CAST: variants seen among roughly 807,000 people sequenced by gnomAD.
CAST encodes MIR583 host.
CAST carries 76 observed loss-of-function variants against 119.6 expected under a neutral mutation model. The ratio of observed to expected loss-of-function variants is 0.64; its 90% CI spans 0.53 to 0.77. CAST has a LOEUF of 0.77. Among genes scored for constraint, CAST ranks in the 30% least tolerant of loss-of-function variants. The probability of loss-of-function intolerance (pLI) is 0.00; values close to 1 mark genes in which losing one functional copy is unlikely to be tolerated. For synonymous variants in CAST, 319 were observed against 331.6 expected, an observed-to-expected ratio of 0.96 and a Z score of 0.41; for missense variants, 953 against 946.5, an observed-to-expected ratio of 1.01 and a Z score of -0.09.
the CAST span, among the ~76,000 whole-genome samples, chr5:95,962,385 A>G: frequency 6.6e-6 from 1 of 152,234 alleles, no homozygotes; most frequent in Non-Finnish European, 1.5e-5. Context: ...ACGCAGCAGG[A>G]GGACTCGCTA....
the CAST span, among the ~76,000 whole-genome samples, chr5:96,001,875 T>A: frequency 1.3e-5 from 2 of 152,258 alleles, no homozygotes; most frequent in African/African-American, 4.8e-5. Context: ...ATAGTCTTTT[T>A]GTGTAATGTA....
At chr5:96,427,687 G>A in the CAST span, among the ~76,000 whole-genome samples, 1 of 152,132 alleles carries the variant, frequency 6.6e-6, no homozygotes. Flanking sequence ...ATAACAGTTA[G>A]GTATGCTCTA....
At chr5:96,253,842 C>T in the CAST span, among the ~76,000 whole-genome samples, 2 of 151,842 alleles carry the variant, frequency 1.3e-5, no homozygotes, top group African/African-American at 4.8e-5. Context: ...TATGATGTAG[C>T]ATATTTTATT....
the CAST span, among the ~76,000 whole-genome samples, chr5:96,237,935 C>A: frequency 5.3e-5 from 8 of 151,940 alleles, no homozygotes; most frequent in African/African-American, 1.7e-4. Flanking sequence ...TTTACTTTAT[C>A]CTCTAATTTA....
the CAST span, among the ~76,000 whole-genome samples, chr5:96,505,534 CT>C: frequency 2.0e-5 from 3 of 152,166 alleles, no homozygotes; most frequent in Non-Finnish European, 4.4e-5. Context: ...ATTAAATCCT[CT>C]TCTGTCACTG....
At chr5:96,504,247 T>G in the CAST span, among the ~76,000 whole-genome samples, 1 of 152,180 alleles carries the variant, frequency 6.6e-6, no homozygotes, top group Non-Finnish European at 1.5e-5. Flanking sequence ...CCCCATCAGC[T>G]TTTTCAAAAA....
chr5:96,461,227 T>C, the CAST span, among the ~76,000 whole-genome samples: 1 of 152,198 alleles, frequency 6.6e-6, no homozygotes, highest in Admixed American at 6.5e-5. Context: ...ATGTCCATTT[T>C]ATGGATATCT....
the CAST span, among the ~76,000 whole-genome samples, chr5:95,973,675 A>G: frequency 1.3e-5 from 2 of 152,200 alleles, no homozygotes; most frequent in African/African-American, 2.4e-5. Context: ...ACTCTATGCT[A>G]CATTGATCTA....
intron 1 of CAST, among the ~76,000 whole-genome samples, chr5:96,604,090 G>A (rs1459569087): frequency 2.0e-5 from 3 of 152,012 alleles, no homozygotes; most frequent in Admixed American, 6.5e-5. Context: ...TTATATGACT[G>A]GTAAGGCAGC....
At chr5:95,968,736 T>G in the CAST span, among the ~76,000 whole-genome samples, 1 of 152,232 alleles carries the variant, frequency 6.6e-6, no homozygotes, top group Non-Finnish European at 1.5e-5. Flanking sequence ...GTATCATATT[T>G]ATCATCTTTG....
the CAST span, among the ~76,000 whole-genome samples, chr5:96,317,044 T>C: frequency 6.6e-6 from 1 of 152,182 alleles, no homozygotes; most frequent in Admixed American, 6.5e-5. Flanking sequence ...AAGGCCTCTG[T>C]ATAAAAGATA....
At chr5:96,490,611 A>G in the CAST span, among the ~76,000 whole-genome samples, 21 of 152,286 alleles carry the variant, frequency 1.4e-4, no homozygotes, top group Non-Finnish European at 1.3e-4. Context: ...CACATATATA[A>G]GAATACAAAT....
chr5:96,664,732 A>G (rs561473656), intron 1 of CAST, among the ~76,000 whole-genome samples: 11 of 152,350 alleles, frequency 7.2e-5, no homozygotes, highest in African/African-American at 2.4e-4. Context: ...TGTCATACAC[A>G]TATACTTTTA....
the CAST span, among the ~76,000 whole-genome samples, chr5:96,468,800 A>G: frequency 1.1e-4 from 17 of 152,178 alleles, no homozygotes; most frequent in South Asian, 2.1e-4. Context: ...AAACCAACAC[A>G]TCTTCCCCTT....
At chr5:96,397,583 C>G in the CAST span, 1 of 983,982 alleles carries the variant, frequency 1.0e-6, no homozygotes, top group Non-Finnish European at 1.6e-6. Flanking sequence ...CTAATTTTCT[C>G]TTTTAGTATA....
chr5:96,741,687 C>T, intron 15 of CAST, 107 bp downstream of exon 15: 1 of 721,860 alleles, frequency 1.4e-6, no homozygotes. Flanking sequence ...ATGATTTTTT[C>T]CCTCTCAGGT....
chr5:96,697,932 C>G (rs1294973714), intron 3 of CAST, among the ~76,000 whole-genome samples: 1 of 152,198 alleles, frequency 6.6e-6, no homozygotes, highest in African/African-American at 2.4e-5. Flanking sequence ...TCTGTTATTT[C>G]CAGGTCTCCA....
At chr5:96,159,869 C>G in the CAST span, among the ~76,000 whole-genome samples, 1 of 151,894 alleles carries the variant, frequency 6.6e-6, no homozygotes, top group Non-Finnish European at 1.5e-5. Context: ...TAAATGGGCT[C>G]ACACCTGTAA....
At chr5:96,666,690 C>G (rs1416163342) in intron 1 of CAST, among the ~76,000 whole-genome samples, 1 of 152,196 alleles carries the variant, frequency 6.6e-6, no homozygotes, top group African/African-American at 2.4e-5. Flanking sequence ...AGTTCGCGCC[C>G]CATTGTGTAT....
Sources: gnomAD v4.1 joint callset for allele counts (sites outside exome capture counted in the v4.1 genomes callset) on GRCh38, gnomAD v4.1.1 for gene constraint, MANE v1.5 for transcripts, NCBI Gene and HGNC (gene_info 2026-07-23, HGNC 2026-07-21) for gene names.